DHX57: variants seen among roughly 807,000 people sequenced by gnomAD.
DHX57 encodes putative ATP-dependent RNA helicase DHX57.
In DHX57, 105 loss-of-function variants were observed where a neutral mutation model predicts 156.2. That is an observed-to-expected ratio of 0.67 (90% confidence interval 0.57 to 0.79). The LOEUF (loss-of-function observed/expected upper bound fraction) is 0.79. DHX57 is among the 30% of genes least tolerant of loss of function. DHX57 has a pLI of 0.00. For missense variants in DHX57, 1,847 were observed against 1,661.9 expected (o/e 1.11, Z -1.94); for synonymous variants, 704 against 595.6 (o/e 1.18, Z -2.65).
chr2:38,809,715 G>A (rs935905869), intron 21 of DHX57, among the ~76,000 whole-genome samples: 6 of 151,544 alleles, frequency 4.0e-5, no homozygotes, highest in Non-Finnish European at 8.8e-5. Context: ...CACCCTCCTC[G>A]GCCTCCCAAA....
chr2:38,848,481 C>A (rs1672407341), intron 9 of DHX57, 79 bp from the exon 10 acceptor site: 4 of 1,381,454 alleles, frequency 2.9e-6, no homozygotes, highest in South Asian at 1.6e-5. Flanking sequence ...ATATTTTGAG[C>A]AAGAAATGTG....
At chr2:38,831,429 A>C (rs1376192575) in intron 13 of DHX57, among the ~76,000 whole-genome samples, 1 of 151,600 alleles carries the variant, frequency 6.6e-6, no homozygotes, top group Non-Finnish European at 1.5e-5. Flanking sequence ...TCCTGGGTTC[A>C]AGCGATTCTC....
intron 16 of DHX57, 83 bp downstream of exon 16, chr2:38,825,764 G>T: frequency 7.1e-7 from 1 of 1,403,652 alleles, no homozygotes; most frequent in South Asian, 1.2e-5. Context: ...ATATCTTCTA[G>T]AAGTAAAAGG....
intron 13 of DHX57, among the ~76,000 whole-genome samples, chr2:38,829,503 C>T (rs746271844): frequency 9.2e-5 from 14 of 152,090 alleles, no homozygotes; most frequent in Non-Finnish European, 1.8e-4. Flanking sequence ...AACTCCTGAC[C>T]TCGTGATCTG....
chr2:38,798,234 T>A lies in DHX57; in HGVS notation c.*65A>T. On this transcript the variant is annotated 3_prime_UTR_variant, in exon 24 of 24. Coordinates refer to ENST00000457308, the MANE Select transcript of DHX57 (RefSeq NM_198963.3). The stretch of plus-strand genomic sequence containing the variant: ...ATAGGTCTTTAGTTCGAGGTAGAGG[T>A]TCTGCTGTTATTTCCCAGGTGAGCT... 6.4e-7 allele frequency: 1 copy of A among 1,560,104 alleles called. No homozygotes were observed. Among genetic ancestry groups the A allele is most frequent in the Non-Finnish European group, 8.7e-7 (1 of 1,155,476 alleles).
intron 13 of DHX57, among the ~76,000 whole-genome samples, chr2:38,833,724 G>A (rs1671503191): frequency 6.6e-6 from 1 of 152,054 alleles, no homozygotes; most frequent in Non-Finnish European, 1.5e-5. Context: ...ACATAGGTTT[G>A]CACTGCATGG....
rs777128438 is a variant in DHX57 at position 38,813,898 on chromosome 2, A to G, written c.3607-3T>C. ...GGGTTCTCAGCATTTGAGTTTGCCT[A>G]TGAGAAAAGCACAGCATTAATTAAC... is the stretch of plus-strand genomic sequence containing the variant. On this transcript the variant is annotated splice_polypyrimidine_tract_variant and splice_region_variant and intron_variant, in intron 20 of 23. Transcript: ENST00000457308. 6 of 1,612,760 alleles carry G rather than the reference A, an allele frequency of 3.7e-6. No homozygotes were observed. The highest frequency in any genetic ancestry group is 1.7e-5 in the Admixed American group (1 of 59,944).
chr2:38,866,622 C>A (rs1244340483), intron 2 of DHX57, among the ~76,000 whole-genome samples: 1 of 152,058 alleles, frequency 6.6e-6, no homozygotes, highest in East Asian at 1.9e-4. Flanking sequence ...TATTTTACTC[C>A]CTGCTGCAAT....
intron 12 of DHX57, among the ~76,000 whole-genome samples, chr2:38,842,773 A>G (rs1185804442): frequency 6.6e-6 from 1 of 152,218 alleles, no homozygotes; most frequent in Non-Finnish European, 1.5e-5. Context: ...ATTTTTCTCT[A>G]ATGAGCACAT....
intron 5 of DHX57, among the ~76,000 whole-genome samples, chr2:38,859,222 G>A (rs1260280249): frequency 1.3e-5 from 2 of 152,220 alleles, no homozygotes; most frequent in Non-Finnish European, 2.9e-5. Flanking sequence ...AGTGATATGT[G>A]CTAGAACACG....
At position 38,798,086 on chromosome 2, in the gene DHX57, C is replaced by T. The variant is rs1669474104; in HGVS notation, c.*213G>A. ...GCAAGCTGGGTTTTAGGCTCTCACC[C>T]TTGACACTCCAAATTGTGCTGGGAG... On this transcript the variant is annotated 3_prime_UTR_variant, in exon 24 of 24. Coordinates refer to ENST00000457308, the MANE Select transcript of DHX57 (RefSeq NM_198963.3). 2 of 483,700 alleles carry T rather than the reference C, an allele frequency of 4.1e-6. No homozygotes were observed. The highest frequency in any genetic ancestry group is 1.9e-5 in the African/African-American group (1 of 51,350). 30.0% of individuals were successfully genotyped at this position (483,700 alleles called of 1,614,324 possible).
chr2:38,818,083 G>A (rs535850683), intron 19 of DHX57, among the ~76,000 whole-genome samples: 1 of 152,130 alleles, frequency 6.6e-6, no homozygotes, highest in Non-Finnish European at 1.5e-5. Context: ...TAGTTCTTTG[G>A]TTTTGGGGAG....
intron 21 of DHX57, chr2:38,810,654 G>A: frequency 1.5e-6 from 1 of 675,548 alleles, no homozygotes; most frequent in Non-Finnish European, 2.8e-6. Context: ...CTCGGTCCTG[G>A]GACTTGGCAA....
chr2:38,837,037 T>C (rs914136323), intron 13 of DHX57, among the ~76,000 whole-genome samples: 1 of 152,000 alleles, frequency 6.6e-6, no homozygotes, highest in African/African-American at 2.4e-5. Context: ...TTTGTAGAGA[T>C]GGGGTTTCAC....
chr2:38,806,407 T>G, intron 22 of DHX57, 152 bp downstream of exon 22: 1 of 840,454 alleles, frequency 1.2e-6, no homozygotes, highest in South Asian at 2.5e-5. Context: ...AATAGTCCAA[T>G]TTCCAGTCTG....
In DHX57 at chr2:38,810,905, C is replaced by A. The variant is rs147037289; in HGVS notation, c.3681+2916G>T. On this transcript the variant is annotated intron_variant, in intron 21 of 23. Coordinates refer to ENST00000457308, the MANE Select transcript of DHX57 (RefSeq NM_198963.3). Reference sequence around the variant, plus strand: ...ATATGGCCCACGCTGTGCTTGCCTGCGACTTCATTCAGGTACATGAAGAGC... The same window carrying A: ...ATATGGCCCACGCTGTGCTTGCCTGAGACTTCATTCAGGTACATGAAGAGC... The A allele has an allele frequency of 6.7e-5, 53 of 796,730 alleles. 1 individual carries two copies. The African/African-American group carries it at 6.8e-4, about 10-fold the overall frequency. 49.4% of individuals were successfully genotyped at this position (796,730 alleles called of 1,614,324 possible).
At chr2:38,842,864 C>T in intron 12 of DHX57, 141 bp downstream of exon 12, 1 of 828,258 alleles carries the variant, frequency 1.2e-6, no homozygotes, top group South Asian at 1.9e-5. Context: ...AACTATTTTT[C>T]TAGGTTTAAG....
At chr2:38,833,988 A>C (rs749419192) in intron 13 of DHX57, among the ~76,000 whole-genome samples, 3 of 152,184 alleles carry the variant, frequency 2.0e-5, no homozygotes, top group Non-Finnish European at 2.9e-5. Context: ...TATGGACCAT[A>C]CCTGGCGCCA....
At chr2:38,820,464 A>G (rs2148555537) in intron 17 of DHX57, among the ~76,000 whole-genome samples, 1 of 152,328 alleles carries the variant, frequency 6.6e-6, no homozygotes, top group Middle Eastern at 3.4e-3. Flanking sequence ...TTATTCCAAT[A>G]AAAGAAAATG....
Sources: gnomAD v4.1 joint callset for allele counts (sites outside exome capture counted in the v4.1 genomes callset) on GRCh38, gnomAD v4.1.1 for gene constraint, MANE v1.5 for transcripts, NCBI Gene and HGNC (gene_info 2026-07-23, HGNC 2026-07-21) for gene names.